Variants in SLC9C2 observed in about 807,000 individuals in gnomAD.
SLC9C2 encodes the protein sodium/hydrogen exchanger 11.
In SLC9C2, 75 loss-of-function variants were observed where a neutral mutation model predicts 140.2. The ratio of observed to expected loss-of-function variants is 0.53; its 90% CI spans 0.44 to 0.65. The LOEUF (loss-of-function observed/expected upper bound fraction) is 0.65, where lower values mean the gene tolerates loss of function less well. SLC9C2 is among the 30% of genes least tolerant of loss of function. SLC9C2 has a pLI of 0.00. For missense variants in SLC9C2, 1,074 were observed against 1,331.8 expected, an observed-to-expected ratio of 0.81 and a Z score of 3.01; for synonymous variants, 375 against 420.9, an observed-to-expected ratio of 0.89 and a Z score of 1.34.
At chr1:173,531,707 C>G (rs919226572) in intron 17 of SLC9C2, among the ~76,000 whole-genome samples, 1 of 152,170 alleles carries the variant, frequency 6.6e-6, no homozygotes, top group African/African-American at 2.4e-5. Context: ...TTGGTAAATT[C>G]TTTTACTGCG....
At chr1:173,517,842 G>T in intron 22 of SLC9C2, 138 bp from the exon 23 acceptor site, 2 of 681,748 alleles carry the variant, frequency 2.9e-6, no homozygotes, top group South Asian at 3.3e-5. Flanking sequence ...GAAGAATTAG[G>T]CTTAAGAAAA....
chr1:173,523,867 G>A lies in SLC9C2; in HGVS notation c.2640+102C>T, dbSNP rs548282645. 4.7e-5 allele frequency: 68 copies of A among 1,452,502 alleles called. No homozygotes were observed. The African/African-American group carries it at 9.1e-4, about 19-fold the overall frequency. The allele number at this position is 1,452,502 out of a possible 1,614,324, so 90.0% of individuals were successfully genotyped here. A position where few individuals can be genotyped will look rare whatever the true frequency, so the allele number is the denominator to read the frequency against. On this transcript the variant is annotated intron_variant, in intron 21 of 27. Coordinates refer to ENST00000367714, the MANE Select transcript of SLC9C2 (RefSeq NM_178527.4). ...CTCCATTTTGGCTTTCCCTGAATTGGCCAGTATGTGATATGCTTTTCTGTT... is the reference window on the plus strand; with the variant it reads ...CTCCATTTTGGCTTTCCCTGAATTGACCAGTATGTGATATGCTTTTCTGTT...
chr1:173,522,731 C>T (rs527704219), intron 21 of SLC9C2, among the ~76,000 whole-genome samples: 3 of 152,274 alleles, frequency 2.0e-5, no homozygotes, highest in Admixed American at 6.5e-5. Context: ...TCTTCGGGCC[C>T]TCTGCAACTG....
intron 26 of SLC9C2, among the ~76,000 whole-genome samples, chr1:173,504,829 A>G (rs1444918777): frequency 6.6e-6 from 1 of 152,222 alleles, no homozygotes; most frequent in Non-Finnish European, 1.5e-5. Flanking sequence ...TGACCATGGA[A>G]TACTCACTGA....
intron 5 of SLC9C2, among the ~76,000 whole-genome samples, chr1:173,586,534 TAC>T (rs1369282281): frequency 6.6e-6 from 1 of 152,172 alleles, no homozygotes; most frequent in Non-Finnish European, 1.5e-5. Flanking sequence ...ACTGGGTATA[TAC>T]CCAAAGGAAT....
intron 24 of SLC9C2, among the ~76,000 whole-genome samples, chr1:173,508,950 G>A (rs560214152): frequency 2.7e-4 from 41 of 152,120 alleles, no homozygotes; most frequent in African/African-American, 4.8e-4. Flanking sequence ...CAGACAGAGC[G>A]TTTGTTAACA....
intron 27 of SLC9C2, among the ~76,000 whole-genome samples, chr1:173,502,525 C>T (rs184606236): frequency 1.4e-3 from 210 of 152,262 alleles, no homozygotes; most frequent in Middle Eastern, 6.8e-3. Flanking sequence ...TGCCCCACCA[C>T]CACCAAAATT....
chr1:173,592,272 T>C (rs1036992289), intron 4 of SLC9C2, among the ~76,000 whole-genome samples: 1 of 152,214 alleles, frequency 6.6e-6, no homozygotes, highest in Non-Finnish European at 1.5e-5. Flanking sequence ...AGTCCTGTAG[T>C]ACAGTTTGAA....
At chr1:173,597,681 A>T (rs1408820849) in intron 4 of SLC9C2, among the ~76,000 whole-genome samples, 2 of 152,144 alleles carry the variant, frequency 1.3e-5, no homozygotes, top group Non-Finnish European at 2.9e-5. Context: ...ATTTACTCTG[A>T]TATTTGCACT....
intron 4 of SLC9C2, 79 bp from the exon 5 acceptor site, chr1:173,587,909 C>A: frequency 4.4e-6 from 5 of 1,130,464 alleles, no homozygotes; most frequent in African/African-American, 1.5e-5. Flanking sequence ...TCCTAAGAGT[C>A]AGATCTTGGT....
At position 173,583,625 on chromosome 1, in the gene SLC9C2, GA is replaced by G; in HGVS notation, c.524-4del. The G allele has an allele frequency of 7.0e-7, 1 of 1,432,934 alleles. No individual in the cohort carries two copies. Among genetic ancestry groups the G allele is most frequent in the Non-Finnish European group, 9.6e-7 (1 of 1,045,694 alleles). The allele number at this position is 1,432,934 out of a possible 1,614,324, so 88.8% of individuals were successfully genotyped here. ...ATCAATGTATATTTTAGAAATGCCT[GA>G]AAAAGGAAATACAAAATGTAACTCA... On this transcript the variant is annotated splice_polypyrimidine_tract_variant and splice_region_variant and intron_variant, in intron 5 of 27. Coordinates refer to ENST00000367714, the MANE Select transcript of SLC9C2 (RefSeq NM_178527.4).
At chr1:173,576,848 G>A (rs1665213261) in intron 7 of SLC9C2, 88 bp from the exon 8 acceptor site, 1 of 833,624 alleles carries the variant, frequency 1.2e-6, no homozygotes, top group Non-Finnish European at 1.8e-6. Context: ...AGAATTGGTG[G>A]GAATCTTAAG....
At position 173,517,614 on chromosome 1, in the gene SLC9C2, C is replaced by T. The variant is rs764102840; in HGVS notation, c.2830G>A (p.Gly944Arg). Residue 944 changes from glycine to arginine, a missense_variant, in exon 23 of 28, where the codon GGG (glycine) becomes AGG (arginine). Transcript: ENST00000367714. ...RDMFTEFCTTGDIIGELSCLL... is the reference protein window; with the variant it reads ...RDMFTEFCTTRDIIGELSCLL... ...CAGCTTAGCTCTCCAATTATGTCCC[C>T]AGTAGTACAGAACTCTGTAAACATG... is the stretch of plus-strand genomic sequence containing the variant. 6.2e-7 allele frequency: 1 copy of T among 1,613,964 alleles called. No homozygotes were observed. The highest frequency in any genetic ancestry group is 8.5e-7 in the Non-Finnish European group (1 of 1,179,940).
At chr1:173,544,660 T>G (rs1212058521) in intron 13 of SLC9C2, among the ~76,000 whole-genome samples, 1 of 152,148 alleles carries the variant, frequency 6.6e-6, no homozygotes, top group East Asian at 1.9e-4. Flanking sequence ...ATATACAACA[T>G]GGAATACTAT....
chr1:173,564,703 T>C (rs1390528727), intron 9 of SLC9C2, among the ~76,000 whole-genome samples: 2 of 142,860 alleles, frequency 1.4e-5, no homozygotes, highest in African/African-American at 5.2e-5. Flanking sequence ...AGTGGCGCGA[T>C]CTCGGCTCAC....
chr1:173,570,882 C>A (rs1434441326), intron 9 of SLC9C2, among the ~76,000 whole-genome samples: 3 of 151,864 alleles, frequency 2.0e-5, no homozygotes, highest in Admixed American at 6.5e-5. Context: ...TCTCTCTCTG[C>A]ACCACACAGC....
At chr1:173,510,561 C>T (rs897535165) in intron 23 of SLC9C2, among the ~76,000 whole-genome samples, 4 of 152,168 alleles carry the variant, frequency 2.6e-5, no homozygotes, top group Admixed American at 2.0e-4. Flanking sequence ...GTTCAACTCC[C>T]ACTTATGAGT....
At chr1:173,562,496 G>A (rs1429861712) in intron 9 of SLC9C2, among the ~76,000 whole-genome samples, 10 of 152,064 alleles carry the variant, frequency 6.6e-5, no homozygotes, top group South Asian at 4.1e-4. Flanking sequence ...AAATACACAC[G>A]TCAAGGGTAA....
intron 7 of SLC9C2, among the ~76,000 whole-genome samples, chr1:173,580,502 C>T (rs1223631773): frequency 2.0e-5 from 3 of 152,126 alleles, no homozygotes; most frequent in Admixed American, 2.0e-4. Flanking sequence ...CAGGCGTGCG[C>T]CAGCACACCT....
Sources: allele counts gnomAD v4.1 joint callset (sites outside exome capture counted in the v4.1 genomes callset), GRCh38; gene constraint gnomAD v4.1.1; transcripts MANE v1.5; gene names NCBI Gene and HGNC (gene_info 2026-07-23, HGNC 2026-07-21).